Variants in ASTN2 observed in about 807,000 individuals in gnomAD.
ASTN2 encodes the protein astrotactin 2, also known as astrotactin-2.
ASTN2 carries 54 observed loss-of-function variants against 139.8 expected under a neutral mutation model. The ratio of observed to expected loss-of-function variants is 0.39; its 90% CI spans 0.31 to 0.48. The LOEUF is 0.48. ASTN2 is among the 20% of genes least tolerant of loss of function. The probability of loss-of-function intolerance (pLI) is 0.95; values close to 1 mark genes in which losing one functional copy is unlikely to be tolerated. For missense variants in ASTN2, 1,565 were observed against 1,725.1 expected (o/e 0.91, Z 1.64); for synonymous variants, 756 against 719.5 (o/e 1.05, Z -0.81).
At chr9:117,055,889 T>C (rs1324908232) in intron 5 of ASTN2, among the ~76,000 whole-genome samples, 1 of 152,228 alleles carries the variant, frequency 6.6e-6, no homozygotes, top group Non-Finnish European at 1.5e-5. Context: ...GCAATGCCAC[T>C]TCCAAGGTTA....
chr9:117,404,915 G>C (rs942312083), intron 1 of ASTN2, among the ~76,000 whole-genome samples: 2 of 152,038 alleles, frequency 1.3e-5, no homozygotes, highest in African/African-American at 4.8e-5. Flanking sequence ...TAGAGGGAGG[G>C]AAGGAGAGAG....
chr9:116,632,209 GAAAGAA>G (rs1856818298), intron 17 of ASTN2, among the ~76,000 whole-genome samples: 1 of 61,878 alleles, frequency 1.6e-5, no homozygotes, highest in East Asian at 7.4e-4. Context: ...AGAAAGAAAA[GAAAGAA>G]AGAAAGAAAG....
chr9:116,902,379 GTGTT>G (rs1426520216), intron 10 of ASTN2, among the ~76,000 whole-genome samples: 2 of 152,158 alleles, frequency 1.3e-5, no homozygotes, highest in Non-Finnish European at 2.9e-5. Flanking sequence ...GCTGTACAAT[GTGTT>G]TGTGTTTCAA....
At chr9:117,114,357 T>G (rs956643014) in intron 4 of ASTN2, among the ~76,000 whole-genome samples, 1 of 152,168 alleles carries the variant, frequency 6.6e-6, no homozygotes, top group African/African-American at 2.4e-5. Context: ...ACTTCTCCTC[T>G]GCATTTCAGG....
At chr9:116,603,891 G>A (rs73526193) in intron 19 of ASTN2, among the ~76,000 whole-genome samples, 3,586 of 152,262 alleles carry the variant, frequency 0.024, 132 homozygotes, top group African/African-American at 0.082. Flanking sequence ...ATCTCCAGGC[G>A]AGGGGTTGAT....
Position 116,458,092 on chromosome 9 carries a change from C to A in ASTN2, c.3498-15539G>T, listed in dbSNP as rs540596606. Among the ~76,000 whole-genome samples, 270 of 151,484 alleles carry A rather than the reference C, an allele frequency of 1.8e-3. 7 individuals are homozygous for A. In the South Asian group the frequency reaches 0.05, roughly 28 times the overall value. ...GGACATTATGTTAAGTGAAATAAGC[C>A]AGGCACAGAAAGACAAACTTTGCAT... is the stretch of plus-strand genomic sequence containing the variant. On this transcript the variant is annotated intron_variant, in intron 20 of 22. Transcript: ENST00000313400.
rs11427891 is a variant in ASTN2, at chr9:117,127,672, G to GTTTTTTT, written c.1168+13647_1168+13653dup. On this transcript the variant is annotated intron_variant, in intron 4 of 22. Coordinates refer to ENST00000313400, the MANE Select transcript of ASTN2 (RefSeq NM_001365068.1). ...AAGTTAGGGTTTTTTTTTTGTTTTG[G>GTTTTTTT]TTTTTTTTTTTTTTTTTTTTTTTTT... Among the ~76,000 whole-genome samples, 29 of 70,902 alleles carry GTTTTTTT rather than the reference G, an allele frequency of 4.1e-4. 3 individuals are homozygous for GTTTTTTT. Among genetic ancestry groups the GTTTTTTT allele is most frequent in the Non-Finnish European group, 6.0e-4 (24 of 39,970 alleles). The allele number at this position is 70,902 out of a possible 152,430, so 46.5% of individuals were successfully genotyped here.
intron 13 of ASTN2, among the ~76,000 whole-genome samples, chr9:116,739,884 A>AT (rs748903206): frequency 3.9e-5 from 6 of 152,250 alleles, no homozygotes; most frequent in Non-Finnish European, 7.3e-5. Context: ...GACCACATCT[A>AT]TTATGAAGCC....
chr9:117,356,579 A>G (rs747509347), intron 1 of ASTN2, among the ~76,000 whole-genome samples: 5 of 152,234 alleles, frequency 3.3e-5, no homozygotes, highest in Non-Finnish European at 7.3e-5. Flanking sequence ...TAAAACAGTG[A>G]TATCTTTTCT....
At chr9:116,479,560 C>T (rs1168084016) in intron 20 of ASTN2, among the ~76,000 whole-genome samples, 1 of 152,190 alleles carries the variant, frequency 6.6e-6, no homozygotes, top group East Asian at 1.9e-4. Context: ...TGCTGGGAAA[C>T]AGCTCGGCAG....
chr9:117,167,642 GA>G lies in ASTN2; in HGVS notation c.1016-26165del, dbSNP rs541985123. Among the ~76,000 whole-genome samples the G allele has an allele frequency of 5.0e-3, 755 of 151,732 alleles. 4 individuals carry two copies. Among genetic ancestry groups the G allele is most frequent in the African/African-American group, 0.016 (681 of 41,416 alleles). ...GATGGACAAAACCAACTGAATCAGG[GA>G]AAAAAAATATCTATTTAGTACATTA... is the stretch of plus-strand genomic sequence containing the variant. On this transcript the variant is annotated intron_variant, in intron 3 of 22. Transcript: ENST00000313400.
intron 17 of ASTN2, among the ~76,000 whole-genome samples, chr9:116,647,594 T>C (rs1857661701): frequency 6.6e-6 from 1 of 152,228 alleles, no homozygotes; most frequent in South Asian, 2.1e-4. Context: ...TATCTATTGC[T>C]ATGCATGTGC....
At chr9:116,577,270 T>C (rs1043321223) in intron 19 of ASTN2, among the ~76,000 whole-genome samples, 1 of 152,198 alleles carries the variant, frequency 6.6e-6, no homozygotes, top group African/African-American at 2.4e-5. Flanking sequence ...GGCTCATGCC[T>C]GTAACCTCAG....
At chr9:116,706,994 G>C (rs1828005744) in intron 16 of ASTN2, among the ~76,000 whole-genome samples, 1 of 151,856 alleles carries the variant, frequency 6.6e-6, no homozygotes, top group African/African-American at 2.4e-5. Flanking sequence ...TCTCTGAATT[G>C]TGTTTCTGGA....
rs892744960 is a variant in ASTN2, at chr9:116,478,776, C to T, written c.3497+8583G>A. Among the ~76,000 whole-genome samples the T allele has an allele frequency of 3.9e-5, 6 of 151,908 alleles. No homozygotes were observed. The South Asian group carries it at 8.3e-4, about 21-fold the overall frequency. On this transcript the variant is annotated intron_variant, in intron 20 of 22. Coordinates refer to ENST00000313400, the MANE Select transcript of ASTN2 (RefSeq NM_001365068.1). ...TTGGGAGGCCAAGACAGGTGGATCA[C>T]GAGGTCAGGAGTTCGAACCAGCCTG...
chr9:117,055,794 C>T (rs1839043295), intron 5 of ASTN2, among the ~76,000 whole-genome samples: 1 of 152,200 alleles, frequency 6.6e-6, no homozygotes, highest in South Asian at 2.1e-4. Context: ...CAAATTGTTC[C>T]CAATGGTCTT....
intron 4 of ASTN2, among the ~76,000 whole-genome samples, chr9:117,129,499 C>T (rs1254095822): frequency 2.0e-5 from 3 of 152,186 alleles, no homozygotes; most frequent in African/African-American, 7.2e-5. Flanking sequence ...AACAGAATTT[C>T]TCTCTTCTTA....
At chr9:117,101,755 T>C (rs1490698741) in intron 4 of ASTN2, among the ~76,000 whole-genome samples, 1 of 152,196 alleles carries the variant, frequency 6.6e-6, no homozygotes, top group African/African-American at 2.4e-5. Flanking sequence ...GTATGTCTGA[T>C]TCAAAAATGC....
chr9:117,185,591 T>A (rs1456339540), intron 3 of ASTN2, among the ~76,000 whole-genome samples: 1 of 152,172 alleles, frequency 6.6e-6, no homozygotes, highest in African/African-American at 2.4e-5. Flanking sequence ...GATGGTGACG[T>A]CTCCTGGTGT....
Sources: gnomAD v4.1 joint callset for allele counts (sites outside exome capture counted in the v4.1 genomes callset) on GRCh38, gnomAD v4.1.1 for gene constraint, MANE v1.5 for transcripts, NCBI Gene and HGNC (gene_info 2026-07-23, HGNC 2026-07-21) for gene names.